EPB41L3: variants seen among roughly 807,000 people sequenced by gnomAD.
EPB41L3 encodes erythrocyte membrane protein band 4.1 like 3.
A neutral mutation model predicts 127.1 loss-of-function variants in EPB41L3; 57 were observed. The ratio of observed to expected loss-of-function variants is 0.45; its 90% CI spans 0.36 to 0.56. EPB41L3 has a LOEUF of 0.56. Ranked by LOEUF, EPB41L3 falls within the 20% of genes least tolerant of loss-of-function variation. The pLI is 0.00. For missense variants in EPB41L3, 1,273 were observed against 1,372.2 expected (o/e 0.93, Z 1.14); for synonymous variants, 572 against 549.5 (o/e 1.04, Z -0.57).
intron 3 of EPB41L3, among the ~76,000 whole-genome samples, chr18:5,452,238 T>C (rs1347594948): frequency 1.3e-5 from 2 of 152,228 alleles, no homozygotes; most frequent in East Asian, 3.9e-4. Context: ...TTGCAACTTA[T>C]AAATTTTTAA....
At chr18:5,621,344 A>T (rs2094859505) in intron 1 of EPB41L3, among the ~76,000 whole-genome samples, 2 of 152,176 alleles carry the variant, frequency 1.3e-5, no homozygotes, top group African/African-American at 2.4e-5. Flanking sequence ...GTGAGTGGTG[A>T]CTGAGTCAAA....
intron 3 of EPB41L3, among the ~76,000 whole-genome samples, chr18:5,556,903 T>A (rs571921117): frequency 6.6e-6 from 1 of 152,286 alleles, no homozygotes; most frequent in Admixed American, 6.5e-5. Flanking sequence ...CAATGCCATA[T>A]AATGGTGTGT....
chr18:5,467,098 C>T (rs2085132381), intron 3 of EPB41L3, among the ~76,000 whole-genome samples: 1 of 152,186 alleles, frequency 6.6e-6, no homozygotes, highest in Non-Finnish European at 1.5e-5. Flanking sequence ...CCACTTTAAG[C>T]TAGATGATGT....
chr18:5,506,279 A>G lies in EPB41L3; in HGVS notation c.-11-17085T>C, dbSNP rs986003415. ...GCTCAAAATCCTCCAATGACTCTGC[A>G]TTTCCCTTAGAGTAAGCTCCACTGT... On this transcript the variant is annotated intron_variant, in intron 1 of 22. Transcript: ENST00000341928. Among the ~76,000 whole-genome samples the G allele has an allele frequency of 5.9e-5, 9 of 152,114 alleles. 1 individual carries two copies. The highest frequency in any genetic ancestry group is 2.2e-4 in the African/African-American group (9 of 41,426).
At chr18:5,509,489 G>A (rs545380852) in intron 1 of EPB41L3, among the ~76,000 whole-genome samples, 61 of 152,288 alleles carry the variant, frequency 4.0e-4, no homozygotes, top group African/African-American at 1.4e-3. Flanking sequence ...CCTATTTCAC[G>A]GTTTGGTACT....
At chr18:5,478,204 A>G (rs1424404842) in intron 3 of EPB41L3, 37 bp downstream of exon 3, 1 of 1,581,832 alleles carries the variant, frequency 6.3e-7, no homozygotes, top group East Asian at 2.2e-5. Context: ...CCAGCTCTCA[A>G]TATCTAGGAC....
In EPB41L3 at chr18:5,493,977, C is replaced by T. The variant is rs111254954; in HGVS notation, c.-11-4783G>A. 5.0e-3 allele frequency among the ~76,000 whole-genome samples: 764 copies of T among 152,276 alleles called. 5 individuals carry two copies. Among genetic ancestry groups the T allele is most frequent in the African/African-American group, 0.017 (725 of 41,554 alleles). On this transcript the variant is annotated intron_variant, in intron 1 of 22. Transcript: ENST00000341928. ...TCTCATATTCTATTTCTAAACTTCA[C>T]AATTCTTTACAAATCCATCTCACTC...
chr18:5,397,213 C>T lies in EPB41L3; in HGVS notation c.2686G>A (p.Ala896Thr). Residue 896 changes from alanine (A) to threonine (T), a missense_variant, in exon 18 of 23, where the codon GCC becomes ACC. Transcript: ENST00000341928. This position sits in a 1 kb window ranked among gnomAD's most constrained non-coding sequence, Gnocchi z 4.1. The stretch of plus-strand genomic sequence containing the variant: ...TCCTCTTTAGCCCCCTCCGTCAAGG[C>T]AGAGCCCTCTTTCCCTTTAATGCCT... ...FTGIKGKEGS[A>T]LTEGAKEEGG... 6.2e-7 allele frequency: 1 copy of T among 1,614,176 alleles called. No individual in the cohort carries two copies. Among genetic ancestry groups the T allele is most frequent in the Non-Finnish European group, 8.5e-7 (1 of 1,180,032 alleles).
intron 3 of EPB41L3, among the ~76,000 whole-genome samples, chr18:5,594,012 A>G (rs566119503): frequency 1.9e-4 from 29 of 152,304 alleles, no homozygotes; most frequent in Admixed American, 1.7e-3. Flanking sequence ...TGTGCAGTTA[A>G]CGCAATTATC....
chr18:5,582,317 G>T (rs1207673254), intron 3 of EPB41L3, among the ~76,000 whole-genome samples: 1 of 152,060 alleles, frequency 6.6e-6, no homozygotes, highest in Non-Finnish European at 1.5e-5. Flanking sequence ...GAGCAGCTGG[G>T]CCTGCTTCAC....
intron 1 of EPB41L3, among the ~76,000 whole-genome samples, chr18:5,496,538 G>A (rs1175667697): frequency 6.6e-6 from 1 of 152,246 alleles, no homozygotes; most frequent in Non-Finnish European, 1.5e-5. Context: ...GGGAGTGGCA[G>A]AAGAACCAAT....
At position 5,487,157 on chromosome 18, in the gene EPB41L3, T is replaced by G. The variant is rs144985155; in HGVS notation, c.183+1844A>C. ...ATATTATTCAGCCATAAAAAAGGAA[T>G]GAAATCTTGTCATCTGCACCAACAC... On this transcript the variant is annotated intron_variant, in intron 2 of 22. Transcript: ENST00000341928. Among the ~76,000 whole-genome samples, 114 of 152,170 alleles carry G rather than the reference T, an allele frequency of 7.5e-4. No homozygotes were observed. In the East Asian group the frequency reaches 0.014, roughly 19 times the overall value.
intron 3 of EPB41L3, chr18:5,467,374 T>C (rs1437175097): frequency 7.4e-6 from 1 of 135,712 alleles, no homozygotes; most frequent in Non-Finnish European, 1.7e-5. Context: ...AAGGGGATGA[T>C]ACTCTGCCCA....
intron 3 of EPB41L3, among the ~76,000 whole-genome samples, chr18:5,448,139 T>C (rs2081787091): frequency 6.6e-6 from 1 of 152,188 alleles, no homozygotes; most frequent in African/African-American, 2.4e-5. Flanking sequence ...GAGCAAGATG[T>C]TTATGGGCTT....
At chr18:5,619,032 T>C (rs1048334649) in intron 1 of EPB41L3, among the ~76,000 whole-genome samples, 4 of 152,334 alleles carry the variant, frequency 2.6e-5, no homozygotes, top group African/African-American at 9.6e-5. Flanking sequence ...GAAAATACAA[T>C]TATTATGTGT....
At chr18:5,459,508 C>T (rs1317197009) in intron 3 of EPB41L3, among the ~76,000 whole-genome samples, 1 of 151,430 alleles carries the variant, frequency 6.6e-6, no homozygotes, top group Non-Finnish European at 1.5e-5. Context: ...TTAACTATAA[C>T]CTTGGTAGCT....
chr18:5,491,739 C>T (rs1359542665), intron 1 of EPB41L3, among the ~76,000 whole-genome samples: 1 of 152,030 alleles, frequency 6.6e-6, no homozygotes, highest in East Asian at 1.9e-4. Context: ...CAAATTGTTG[C>T]CATTTTGGCC....
intron 3 of EPB41L3, among the ~76,000 whole-genome samples, chr18:5,555,714 G>T (rs2094024403): frequency 6.6e-6 from 1 of 152,076 alleles, no homozygotes; most frequent in Non-Finnish European, 1.5e-5. Context: ...CTCTTCTCAG[G>T]TTTCTAATCC....
intron 13 of EPB41L3, 122 bp from the exon 14 acceptor site, chr18:5,410,741 G>A: frequency 1.4e-6 from 1 of 716,174 alleles, no homozygotes. Flanking sequence ...ATTTCTCTGT[G>A]TCACACTACC....
Sources: allele counts gnomAD v4.1 joint callset (sites outside exome capture counted in the v4.1 genomes callset), GRCh38; gene constraint gnomAD v4.1.1; non-coding constraint Gnocchi (gnomAD v3.1); transcripts MANE v1.5; gene names NCBI Gene and HGNC (gene_info 2026-07-23, HGNC 2026-07-21).